The following VPS13B variants were observed in gnomAD, a reference collection of about 807,000 sequenced individuals.
VPS13B encodes vacuolar protein sorting 13 homolog B, also known as intermembrane lipid transfer protein VPS13B.
In VPS13B, 285 loss-of-function variants were observed where a neutral mutation model predicts 426.4. The ratio of observed to expected loss-of-function variants is 0.67; its 90% confidence interval spans 0.61 to 0.74. The LOEUF (loss-of-function observed/expected upper bound fraction) is 0.74, where lower values mean the gene tolerates loss of function less well. Among genes scored for constraint, VPS13B ranks in the 30% least tolerant of loss-of-function variants. VPS13B has a pLI of 0.00. For synonymous variants in VPS13B, 1,676 were observed against 1,676.4 expected, an observed-to-expected ratio of 1.00 and a Z score of 0.01; for missense variants, 4,537 against 4,782.6, an observed-to-expected ratio of 0.95 and a Z score of 1.51.
intron 30 of VPS13B, among the ~76,000 whole-genome samples, chr8:99,543,517 GAA>G (rs1254868139): frequency 6.6e-6 from 1 of 151,882 alleles, no homozygotes; most frequent in African/African-American, 2.4e-5. Context: ...CCATCAGAGT[GAA>G]TAGGCAACCT....
intron 30 of VPS13B, among the ~76,000 whole-genome samples, chr8:99,538,422 A>G (rs1272267983): frequency 6.6e-6 from 1 of 152,036 alleles, no homozygotes; most frequent in East Asian, 1.9e-4. Context: ...AAACTTTTAT[A>G]TCATTTGTTC....
chr8:99,222,532 G>A (rs1815782732), intron 17 of VPS13B, among the ~76,000 whole-genome samples: 1 of 152,132 alleles, frequency 6.6e-6, no homozygotes. Flanking sequence ...TTTATGAAGG[G>A]TAACAGGGTT....
chr8:99,760,627 G>A (rs1810882494), intron 39 of VPS13B, among the ~76,000 whole-genome samples: 1 of 152,078 alleles, frequency 6.6e-6, no homozygotes, highest in Non-Finnish European at 1.5e-5. Flanking sequence ...GGTTCAATAT[G>A]TATTTGAATA....
At chr8:99,044,560 C>T (rs947273037) in intron 3 of VPS13B, among the ~76,000 whole-genome samples, 2 of 151,648 alleles carry the variant, frequency 1.3e-5, no homozygotes, top group Non-Finnish European at 2.9e-5. Flanking sequence ...TGAGTAAATT[C>T]TCTAGTGGTA....
chr8:99,753,004 C>T (rs1001619156), intron 39 of VPS13B, among the ~76,000 whole-genome samples: 2 of 152,068 alleles, frequency 1.3e-5, no homozygotes, highest in Non-Finnish European at 2.9e-5. Flanking sequence ...CCAGGAGTCC[C>T]GGCTTTGCAA....
intron 6 of VPS13B, among the ~76,000 whole-genome samples, chr8:99,114,597 T>C (rs947854446): frequency 1.3e-5 from 2 of 152,214 alleles, no homozygotes; most frequent in Non-Finnish European, 2.9e-5. Flanking sequence ...ACTCCTTTCC[T>C]GCTCACCTCC....
chr8:99,573,472 T>C (rs1825596575), intron 31 of VPS13B, among the ~76,000 whole-genome samples: 1 of 152,226 alleles, frequency 6.6e-6, no homozygotes, highest in African/African-American at 2.4e-5. Context: ...GAATTAATTT[T>C]TGTATAAGGT....
At chr8:99,429,424 A>G (rs944040993) in intron 21 of VPS13B, 5 of 152,064 alleles carry the variant, frequency 3.3e-5, no homozygotes, top group African/African-American at 9.7e-5. Flanking sequence ...TTTTTTCTGT[A>G]AATAATCTAT....
chr8:99,604,694 G>C (rs1020152580), intron 33 of VPS13B, among the ~76,000 whole-genome samples: 4 of 151,746 alleles, frequency 2.6e-5, no homozygotes, highest in African/African-American at 7.3e-5. Flanking sequence ...AGTAGAGATG[G>C]GGTTTCACAG....
chr8:99,601,123 A>G (rs888042975), intron 33 of VPS13B, among the ~76,000 whole-genome samples: 1 of 151,800 alleles, frequency 6.6e-6, no homozygotes, highest in Non-Finnish European at 1.5e-5. Flanking sequence ...TACATTATGT[A>G]TTTCTCCTAA....
intron 16 of VPS13B, among the ~76,000 whole-genome samples, chr8:99,174,161 A>T (rs545522914): frequency 1.1e-4 from 16 of 152,232 alleles, no homozygotes; most frequent in African/African-American, 3.6e-4. Flanking sequence ...TTCCTTATTC[A>T]TTCGTTTGTA....
chr8:99,033,368 C>G (rs938691023), intron 2 of VPS13B, among the ~76,000 whole-genome samples: 16 of 152,120 alleles, frequency 1.1e-4, no homozygotes, highest in Admixed American at 5.2e-4. Context: ...TCTTTCTGCT[C>G]TCAATATCTA....
At position 99,700,747 on chromosome 8, in the gene VPS13B, G is replaced by A. The variant is rs139085136; in HGVS notation, c.6454+815G>A. Among the ~76,000 whole-genome samples the A allele has an allele frequency of 1.7e-3, 265 of 152,316 alleles. 1 individual carries two copies. The highest frequency in any genetic ancestry group is 6.2e-3 in the African/African-American group (259 of 41,568). ...AAAGCATGGGAAGTGTGGGCAGAAG[G>A]ATTGTGAGGAGGGGAAGAGGAAAGG... On this transcript the variant is annotated intron_variant, in intron 36 of 61. Transcript: ENST00000357162.
At chr8:99,369,410 C>A (rs191200952) in intron 19 of VPS13B, among the ~76,000 whole-genome samples, 40 of 152,286 alleles carry the variant, frequency 2.6e-4, no homozygotes, top group African/African-American at 9.4e-4. Context: ...ATCCGCAAGG[C>A]ATAGGAGTAG....
chr8:99,152,594 C>T (rs549402997), intron 14 of VPS13B, among the ~76,000 whole-genome samples: 1 of 152,306 alleles, frequency 6.6e-6, no homozygotes, highest in Non-Finnish European at 1.5e-5. Context: ...ATTGAAGTCT[C>T]CAACCAAAAC....
At position 99,587,077 on chromosome 8, in the gene VPS13B, G is replaced by C. The variant is rs915065562; in HGVS notation, c.5220+9444G>C. On this transcript the variant is annotated intron_variant, in intron 33 of 61. Coordinates refer to ENST00000357162, the MANE Select transcript of VPS13B (RefSeq NM_152564.5). The stretch of plus-strand genomic sequence containing the variant: ...TATGAGTGAGAACATGCAGTGTTTG[G>C]TTTTCTGTCCTTCCAATAGTTTGCT... Among the ~76,000 whole-genome samples the C allele has an allele frequency of 2.0e-5, 3 of 152,072 alleles. No individual in the cohort carries two copies. The East Asian group carries it at 5.8e-4, about 29-fold the overall frequency.
At chr8:99,255,766 G>GGTGGTATGTT (rs1209718161) in intron 17 of VPS13B, among the ~76,000 whole-genome samples, 3 of 152,176 alleles carry the variant, frequency 2.0e-5, no homozygotes, top group African/African-American at 7.2e-5. Context: ...GTGGTGCTGA[G>GGTGGTATGTT]GTGGTATGTT....
At chr8:99,758,115 G>A (rs74688247) in intron 39 of VPS13B, among the ~76,000 whole-genome samples, 2,931 of 152,192 alleles carry the variant, frequency 0.019, 100 homozygotes, top group African/African-American at 0.067. Context: ...GATCATTCAC[G>A]TCATCTCTTT....
At chr8:99,784,144 T>G (rs891950254) in intron 42 of VPS13B, among the ~76,000 whole-genome samples, 171 bp from the exon 43 acceptor site, 1 of 152,228 alleles carries the variant, frequency 6.6e-6, no homozygotes, top group African/African-American at 2.4e-5. Context: ...CTTAAAGGTA[T>G]TTTTTATGTG....
Sources: gnomAD v4.1 joint callset for allele counts (sites outside exome capture counted in the v4.1 genomes callset) on GRCh38, gnomAD v4.1.1 for gene constraint, MANE v1.5 for transcripts, NCBI Gene and HGNC (gene_info 2026-07-23, HGNC 2026-07-21) for gene names.